Variants in MACROD2 observed in about 807,000 individuals in gnomAD.
MACROD2 encodes the protein ADP-ribose glycohydrolase MACROD2.
Under a neutral mutation model 70.4 loss-of-function variants are expected in MACROD2, and 36 were observed. That is an observed-to-expected ratio of 0.51 (90% CI 0.39 to 0.68). The LOEUF (loss-of-function observed/expected upper bound fraction) is 0.68. MACROD2 is among the 30% of genes least tolerant of loss of function. The pLI is 0.00. For synonymous variants in MACROD2, 172 were observed against 178.8 expected, an observed-to-expected ratio of 0.96 and a Z score of 0.30; for missense variants, 496 against 538.4, an observed-to-expected ratio of 0.92 and a Z score of 0.78.
intron 3 of MACROD2, among the ~76,000 whole-genome samples, chr20:14,451,012 G>A (rs1057207365): frequency 2.6e-5 from 4 of 152,042 alleles, no homozygotes; most frequent in African/African-American, 9.7e-5. Flanking sequence ...ATGAAAATGT[G>A]ACTTAATTTG....
rs921566274 is a variant in MACROD2 at position 14,493,504 on chromosome 20, A to G, written c.297A>G (p.Gly99=). 1 of 1,607,978 alleles carries G rather than the reference A, an allele frequency of 6.2e-7. No individual in the cohort carries two copies. Among genetic ancestry groups the G allele is most frequent in the Non-Finnish European group, 8.5e-7 (1 of 1,175,836 alleles). The change falls in exon 4 of 18, where the codon GGA becomes GGG. Residue 99 remains glycine (G), a synonymous_variant. Transcript: ENST00000684519. ...NAANASLLGG[G]GVDGCIHRAA... ...CAAATGCCAGTCTTCTTGGAGGAGG[A>G]GGTGGTAAGTCCTGAACATCACTTA...
intron 4 of MACROD2, among the ~76,000 whole-genome samples, chr20:14,564,897 G>A (rs1187236876): frequency 6.6e-6 from 1 of 151,852 alleles, no homozygotes; most frequent in Non-Finnish European, 1.5e-5. Context: ...TATGCTTATT[G>A]CAGCACCATT....
intron 4 of MACROD2, among the ~76,000 whole-genome samples, chr20:14,513,975 A>G (rs1280532024): frequency 6.6e-6 from 1 of 152,076 alleles, no homozygotes; most frequent in East Asian, 1.9e-4. Flanking sequence ...ATTTTACAAC[A>G]TTTTTAGCCA....
At chr20:14,277,202 C>T (rs576296865) in intron 3 of MACROD2, among the ~76,000 whole-genome samples, 1 of 151,958 alleles carries the variant, frequency 6.6e-6, no homozygotes, top group African/African-American at 2.4e-5. Flanking sequence ...GTAATCCCAG[C>T]ACTTTGGGAG....
At chr20:15,457,081 A>G (rs2046739297) in intron 7 of MACROD2, among the ~76,000 whole-genome samples, 1 of 148,542 alleles carries the variant, frequency 6.7e-6, no homozygotes, top group Non-Finnish European at 1.5e-5. Flanking sequence ...TTTTTAAAAA[A>G]AAAGCATTTG....
In MACROD2 at chr20:15,647,909, G is replaced by C. The variant is rs199986048; in HGVS notation, c.645+148062G>C. Among the ~76,000 whole-genome samples, 65 of 152,138 alleles carry C rather than the reference G, an allele frequency of 4.3e-4. No individual in the cohort carries two copies. In the East Asian group the frequency reaches 8.9e-3, roughly 21 times the overall value. On this transcript the variant is annotated intron_variant, in intron 8 of 17. Coordinates refer to ENST00000684519, the MANE Select transcript of MACROD2 (RefSeq NM_001351661.2). ...AATTTTTGTATTTTTAGTAGAGATGGGGTCTCACCATGTTGGCCAGGCTGT... is the reference window on the plus strand; with the variant it reads ...AATTTTTGTATTTTTAGTAGAGATGCGGTCTCACCATGTTGGCCAGGCTGT...
At chr20:14,961,592 A>G (rs2074583833) in intron 5 of MACROD2, among the ~76,000 whole-genome samples, 1 of 152,020 alleles carries the variant, frequency 6.6e-6, no homozygotes, top group East Asian at 1.9e-4. Flanking sequence ...CAGTGGCGCA[A>G]TCACAGCTCA....
intron 8 of MACROD2, among the ~76,000 whole-genome samples, chr20:15,533,075 T>A (rs962491270): frequency 2.0e-5 from 3 of 152,210 alleles, no homozygotes; most frequent in Non-Finnish European, 4.4e-5. Context: ...TTAGTTTTCA[T>A]CTTAATAGGT....
intron 15 of MACROD2, among the ~76,000 whole-genome samples, chr20:15,991,223 A>C (rs946959069): frequency 2.0e-5 from 3 of 152,206 alleles, no homozygotes; most frequent in South Asian, 2.1e-4. Flanking sequence ...TTCTTAGTCC[A>C]TGTGGGAAAC....
At chr20:15,397,491 G>T (rs1030688746) in intron 6 of MACROD2, among the ~76,000 whole-genome samples, 1 of 151,950 alleles carries the variant, frequency 6.6e-6, no homozygotes, top group African/African-American at 2.4e-5. Flanking sequence ...TGAGAGACAG[G>T]TTTTCACCAA....
intron 5 of MACROD2, among the ~76,000 whole-genome samples, chr20:14,688,705 G>A (rs965989231): frequency 3.9e-5 from 6 of 152,108 alleles, no homozygotes; most frequent in African/African-American, 1.4e-4. Flanking sequence ...TTAGAAGCTT[G>A]TTGACATATG....
chr20:15,312,968 A>G (rs2077769535), intron 6 of MACROD2, among the ~76,000 whole-genome samples: 1 of 152,196 alleles, frequency 6.6e-6, no homozygotes, highest in Non-Finnish European at 1.5e-5. Flanking sequence ...TCATCTATCT[A>G]TGCCTTTAGT....
chr20:15,622,291 T>G (rs775586388), intron 8 of MACROD2, among the ~76,000 whole-genome samples: 1 of 152,224 alleles, frequency 6.6e-6, no homozygotes, highest in Admixed American at 6.5e-5. Context: ...GGAAACAATC[T>G]CTTAAATGTG....
chr20:14,753,841 G>C (rs1200725061), intron 5 of MACROD2, among the ~76,000 whole-genome samples: 1 of 152,058 alleles, frequency 6.6e-6, no homozygotes, highest in Non-Finnish European at 1.5e-5. Flanking sequence ...TGAGCAATTT[G>C]AGGACTTAGG....
At chr20:15,176,102 G>A (rs1343728633) in intron 5 of MACROD2, among the ~76,000 whole-genome samples, 1 of 152,226 alleles carries the variant, frequency 6.6e-6, no homozygotes, top group Non-Finnish European at 1.5e-5. Context: ...TATTCTCAGA[G>A]GTGCTGACAC....
chr20:14,279,060 A>G (rs917952035), intron 3 of MACROD2, among the ~76,000 whole-genome samples: 97 of 152,296 alleles, frequency 6.4e-4, no homozygotes, highest in African/African-American at 2.2e-3. Flanking sequence ...AGGCCTTTGC[A>G]TACTTCCAGG....
chr20:14,796,131 G>A (rs1001162940), intron 5 of MACROD2, among the ~76,000 whole-genome samples: 1 of 152,088 alleles, frequency 6.6e-6, no homozygotes, highest in African/African-American at 2.4e-5. Context: ...GTCTGAGGAA[G>A]AACTGTCTGC....
chr20:15,364,804 T>C (rs2146251607), intron 6 of MACROD2, among the ~76,000 whole-genome samples: 1 of 152,340 alleles, frequency 6.6e-6, no homozygotes, highest in South Asian at 2.1e-4. Flanking sequence ...GGGATCCTTC[T>C]ATGAAGTGGA....
At chr20:14,060,628 T>C (rs2053681088) in intron 2 of MACROD2, among the ~76,000 whole-genome samples, 1 of 152,132 alleles carries the variant, frequency 6.6e-6, no homozygotes, top group African/African-American at 2.4e-5. Context: ...CGTAATCTTC[T>C]TTGTGCTCAG....
Sources: allele counts gnomAD v4.1 joint callset (sites outside exome capture counted in the v4.1 genomes callset), GRCh38; gene constraint gnomAD v4.1.1; transcripts MANE v1.5; gene names NCBI Gene and HGNC (gene_info 2026-07-23, HGNC 2026-07-21).